Variants in CACNA2D3 observed in about 807,000 individuals in gnomAD.
The protein encoded by CACNA2D3 is voltage-dependent calcium channel subunit alpha-2/delta-3.
CACNA2D3 carries 60 observed loss-of-function variants against 160.6 expected under a neutral mutation model. The observed-to-expected ratio is 0.37, with a 90% CI of 0.30 to 0.46. The LOEUF (loss-of-function observed/expected upper bound fraction) is 0.46, where lower values mean the gene tolerates loss of function less well. Among genes scored for constraint, CACNA2D3 ranks in the 20% least tolerant of loss-of-function variants. CACNA2D3 has a pLI of 1.00. For synonymous variants in CACNA2D3, 558 were observed against 492.9 expected, an observed-to-expected ratio of 1.13 and a Z score of -1.75; for missense variants, 1,205 against 1,365.0, an observed-to-expected ratio of 0.88 and a Z score of 1.85.
At chr3:54,539,928 C>A (rs1701945792) in intron 5 of CACNA2D3, among the ~76,000 whole-genome samples, 1 of 152,120 alleles carries the variant, frequency 6.6e-6, no homozygotes, top group Admixed American at 6.6e-5. Flanking sequence ...AAGAGAGGAA[C>A]CGCCATCCAT....
intron 12 of CACNA2D3, among the ~76,000 whole-genome samples, chr3:54,757,927 G>A (rs1428348331): frequency 6.6e-6 from 1 of 152,170 alleles, no homozygotes; most frequent in Non-Finnish European, 1.5e-5. Flanking sequence ...GCTTCTCTTT[G>A]GAGAGGAGAA....
chr3:54,746,193 G>A (rs1701750486), intron 11 of CACNA2D3, among the ~76,000 whole-genome samples: 1 of 152,152 alleles, frequency 6.6e-6, no homozygotes, highest in East Asian at 1.9e-4. Context: ...GATTTATGAA[G>A]CATTTATGTG....
chr3:54,989,417 G>GA (rs1219767392), intron 31 of CACNA2D3, among the ~76,000 whole-genome samples: 7 of 152,120 alleles, frequency 4.6e-5, no homozygotes, highest in African/African-American at 1.7e-4. Flanking sequence ...GAAGGGCTGG[G>GA]AACTCAGTTA....
chr3:54,236,514 A>T (rs12492780), intron 2 of CACNA2D3, among the ~76,000 whole-genome samples: 3,149 of 152,264 alleles, frequency 0.021, 131 homozygotes, highest in East Asian at 0.098. Flanking sequence ...AATTATTGTC[A>T]CTTTTGACTG....
chr3:54,888,105 G>C, intron 24 of CACNA2D3, 53 bp downstream of exon 24: 1 of 1,300,982 alleles, frequency 7.7e-7, no homozygotes, highest in Non-Finnish European at 1.1e-6. Context: ...CCAACACTCC[G>C]AAATATGGTT....
chr3:54,752,719 T>G (rs1304458254), intron 12 of CACNA2D3, 42 bp downstream of exon 12: 1 of 1,376,400 alleles, frequency 7.3e-7, no homozygotes, highest in South Asian at 1.2e-5. Context: ...AACTTCCACC[T>G]ACTTGTGCAG....
intron 13 of CACNA2D3, among the ~76,000 whole-genome samples, chr3:54,765,848 G>A (rs1426057949): frequency 6.6e-6 from 1 of 152,178 alleles, no homozygotes; most frequent in African/African-American, 2.4e-5. Context: ...TAGAGGTGAT[G>A]TGTCAGATCA....
At chr3:54,841,306 G>A (rs1431234940) in intron 16 of CACNA2D3, among the ~76,000 whole-genome samples, 11 of 152,178 alleles carry the variant, frequency 7.2e-5, no homozygotes, top group Admixed American at 7.2e-4. Context: ...ACAGATGAAG[G>A]AAACGAAGCA....
At chr3:54,465,065 G>C (rs1447601123) in intron 4 of CACNA2D3, among the ~76,000 whole-genome samples, 1 of 144,826 alleles carries the variant, frequency 6.9e-6, no homozygotes, top group African/African-American at 2.6e-5. Flanking sequence ...CTTTTTTTTT[G>C]GTCTGCCTGG....
In CACNA2D3 at chr3:54,562,697, T is replaced by C. The variant is rs1483761481; in HGVS notation, c.545-103T>C. 5.2e-6 allele frequency: 5 copies of C among 962,730 alleles called. No individual in the cohort carries two copies. The African/African-American group carries it at 8.1e-5, about 16-fold the overall frequency. The allele number at this position is 962,730 out of a possible 1,614,324, so 59.6% of individuals were successfully genotyped here. A position where few individuals can be genotyped will look rare whatever the true frequency, so the allele number is the denominator to read the frequency against. ...ACTTCCTTCATAGCCTCCTGCAAGA[T>C]GGAGTACCTTGTGCCAGTATCTGCC... On this transcript the variant is annotated intron_variant, in intron 5 of 37. Coordinates refer to ENST00000474759, the MANE Select transcript of CACNA2D3 (RefSeq NM_018398.3).
intron 4 of CACNA2D3, among the ~76,000 whole-genome samples, chr3:54,485,350 G>A (rs1700999332): frequency 6.6e-6 from 1 of 152,134 alleles, no homozygotes; most frequent in Admixed American, 6.5e-5. Flanking sequence ...CTTGAACCAA[G>A]GAAGTCTAGT....
At chr3:54,183,009 A>G (rs927600366) in intron 2 of CACNA2D3, among the ~76,000 whole-genome samples, 2 of 152,196 alleles carry the variant, frequency 1.3e-5, no homozygotes, top group Non-Finnish European at 2.9e-5. Flanking sequence ...GATATAATCT[A>G]CATATTCCTG....
intron 11 of CACNA2D3, among the ~76,000 whole-genome samples, chr3:54,655,702 C>G (rs1206978078): frequency 6.6e-6 from 1 of 152,040 alleles, no homozygotes; most frequent in East Asian, 1.9e-4. Context: ...AAATATTTGA[C>G]CAGTTGGTAT....
chr3:54,755,498 CAT>C (rs1360163525), intron 12 of CACNA2D3, among the ~76,000 whole-genome samples: 3 of 152,214 alleles, frequency 2.0e-5, no homozygotes, highest in African/African-American at 7.2e-5. Flanking sequence ...AAGTTTTTAA[CAT>C]ATCCTTGAAG....
At chr3:54,713,267 CCTT>C (rs1431631909) in intron 11 of CACNA2D3, among the ~76,000 whole-genome samples, 2 of 152,190 alleles carry the variant, frequency 1.3e-5, no homozygotes, top group African/African-American at 2.4e-5. Context: ...AGAGCCAACT[CCTT>C]CTTGCTTTCT....
chr3:54,467,553 T>C (rs988951680), intron 4 of CACNA2D3, among the ~76,000 whole-genome samples: 4 of 152,114 alleles, frequency 2.6e-5, no homozygotes, highest in Non-Finnish European at 5.9e-5. Context: ...ATCTGCAAAA[T>C]GGAGATAATA....
intron 5 of CACNA2D3, among the ~76,000 whole-genome samples, chr3:54,544,271 TTAAA>T (rs1217851178): frequency 6.6e-6 from 1 of 152,260 alleles, no homozygotes; most frequent in East Asian, 1.9e-4. Flanking sequence ...ATGTTTGCTC[TTAAA>T]TAATTCTACC....
In CACNA2D3 at chr3:55,074,211, G is replaced by A. The variant is rs1452763034; in HGVS notation, c.*5G>A. 9.8e-7 allele frequency: 1 copy of A among 1,022,598 alleles called. No homozygotes were observed. The allele number at this position is 1,022,598 out of a possible 1,614,324, so 63.3% of individuals were successfully genotyped here. A position where few individuals can be genotyped will look rare whatever the true frequency, so the allele number is the denominator to read the frequency against. On this transcript the variant is annotated 3_prime_UTR_variant, in exon 38 of 38. Transcript: ENST00000474759. ...TTGATGCTCTTCTCAAGGTGACACT[G>A]ACTGAGATGTTCTCTTACTGACTGA...
intron 25 of CACNA2D3, among the ~76,000 whole-genome samples, chr3:54,892,264 G>C (rs536118893): frequency 1.3e-5 from 2 of 152,204 alleles, no homozygotes; most frequent in South Asian, 2.1e-4. Flanking sequence ...TGAGTTCAGA[G>C]GTTACCACAG....
Sources: allele counts gnomAD v4.1 joint callset (sites outside exome capture counted in the v4.1 genomes callset), GRCh38; gene constraint gnomAD v4.1.1; transcripts MANE v1.5; gene names NCBI Gene and HGNC (gene_info 2026-07-23, HGNC 2026-07-21).